The following TNIK variants were observed in gnomAD, a reference collection of about 807,000 sequenced individuals.
TNIK encodes TRAF2 and NCK interacting kinase.
TNIK carries 49 observed loss-of-function variants against 191.3 expected under a neutral mutation model. The observed-to-expected ratio is 0.26, with a 90% CI of 0.20 to 0.32. The LOEUF is 0.32. Among genes scored for constraint, TNIK ranks in the 10% least tolerant of loss-of-function variants. TNIK has a pLI of 1.00. For missense variants in TNIK, 1,155 were observed against 1,702.3 expected (o/e 0.68, Z 5.66); for synonymous variants, 594 against 600.9 (o/e 0.99, Z 0.17).
intron 15 of TNIK, 52 bp from the exon 16 acceptor site, chr3:171,128,930 A>G: frequency 6.8e-7 from 1 of 1,472,316 alleles, no homozygotes; most frequent in Non-Finnish European, 9.0e-7. Flanking sequence ...GTATAGAAGT[A>G]GATCACCTTC....
intron 1 of TNIK, among the ~76,000 whole-genome samples, chr3:171,418,144 T>G (rs987014851): frequency 6.6e-6 from 1 of 152,176 alleles, no homozygotes; most frequent in Non-Finnish European, 1.5e-5. Context: ...GTTCTAAGAT[T>G]CTATAATTCC....
At chr3:171,175,216 C>T in intron 9 of TNIK, 36 bp downstream of exon 9, 4 of 1,592,034 alleles carry the variant, frequency 2.5e-6, no homozygotes, top group Non-Finnish European at 3.4e-6. Context: ...GAAAACCTCA[C>T]CCTTAGATCT....
intron 1 of TNIK, among the ~76,000 whole-genome samples, chr3:171,408,839 G>T (rs1317961912): frequency 6.6e-6 from 1 of 152,154 alleles, no homozygotes; most frequent in Non-Finnish European, 1.5e-5. Context: ...AAAGGATAAA[G>T]TATGCGAAAG....
intron 1 of TNIK, among the ~76,000 whole-genome samples, chr3:171,398,845 T>G (rs1720560504): frequency 6.6e-6 from 1 of 152,124 alleles, no homozygotes; most frequent in African/African-American, 2.4e-5. Context: ...ATTTTTCCCC[T>G]CCGTACGAAA....
At chr3:171,076,929 G>A (rs1186145919) in intron 28 of TNIK, among the ~76,000 whole-genome samples, 3 of 149,624 alleles carry the variant, frequency 2.0e-5, no homozygotes, top group African/African-American at 7.4e-5. Context: ...TCTTTCTTAT[G>A]CATATGCACA....
At chr3:171,225,168 C>A (rs944643781) in intron 3 of TNIK, among the ~76,000 whole-genome samples, 11 of 152,098 alleles carry the variant, frequency 7.2e-5, no homozygotes, top group Non-Finnish European at 1.5e-4. Flanking sequence ...TGGTAAGAAG[C>A]TTTTACAGCA....
chr3:171,282,019 GATA>G (rs1376769838), intron 2 of TNIK, among the ~76,000 whole-genome samples: 2 of 152,162 alleles, frequency 1.3e-5, no homozygotes, highest in Non-Finnish European at 2.9e-5. Context: ...TGGTAACTGT[GATA>G]ATGTGAACTG....
In TNIK at chr3:171,460,140, C is replaced by T; in HGVS notation, c.-77G>A. ...TTGGAAATTCCACCTTGGTCTATTT[C>T]ACTCGCGTCCTCATGCGGGTGTCGC... On this transcript the variant is annotated 5_prime_UTR_variant, in exon 1 of 33. Coordinates refer to ENST00000436636, the MANE Select transcript of TNIK (RefSeq NM_015028.4). The surrounding 1 kb of genome is among the most constrained non-coding windows in gnomAD (Gnocchi z 6.8). 1 of 1,534,720 alleles carries T rather than the reference C, an allele frequency of 6.5e-7. No individual in the cohort carries two copies. Among genetic ancestry groups the T allele is most frequent in the South Asian group, 1.2e-5 (1 of 83,826 alleles).
intron 2 of TNIK, among the ~76,000 whole-genome samples, chr3:171,333,046 A>T (rs560600688): frequency 5.1e-4 from 77 of 152,104 alleles, no homozygotes; most frequent in Non-Finnish European, 8.7e-4. Flanking sequence ...AAGCACAGTG[A>T]TGTTCTTTGA....
intron 2 of TNIK, among the ~76,000 whole-genome samples, chr3:171,272,077 T>C (rs35724670): frequency 0.03 from 4,579 of 152,186 alleles, 81 homozygotes; most frequent in African/African-American, 0.043. Context: ...CACCCGGAGA[T>C]GGTAAAGGCA....
chr3:171,344,547 C>T (rs183925955), intron 2 of TNIK, among the ~76,000 whole-genome samples: 1 of 152,148 alleles, frequency 6.6e-6, no homozygotes, highest in Admixed American at 6.5e-5. Context: ...TACTGATGAC[C>T]TTATTTCTGC....
chr3:171,181,895 T>A (rs1241406237), intron 7 of TNIK, among the ~76,000 whole-genome samples: 1 of 152,222 alleles, frequency 6.6e-6, no homozygotes, highest in African/African-American at 2.4e-5. Context: ...TTGAAGAACA[T>A]ACTTTGACAG....
At chr3:171,423,618 C>T (rs1480356355) in intron 1 of TNIK, among the ~76,000 whole-genome samples, 1 of 152,202 alleles carries the variant, frequency 6.6e-6, no homozygotes, top group Non-Finnish European at 1.5e-5. Context: ...CAGCATGGTA[C>T]TGGTACCGAA....
intron 3 of TNIK, among the ~76,000 whole-genome samples, chr3:171,220,996 T>C (rs967554577): frequency 1.3e-5 from 2 of 151,870 alleles, no homozygotes; most frequent in Admixed American, 6.6e-5. Flanking sequence ...ACCAAAAGGG[T>C]CTAATCTGTA....
At chr3:171,073,665 G>T (rs1423058159) in intron 28 of TNIK, among the ~76,000 whole-genome samples, 2 of 151,874 alleles carry the variant, frequency 1.3e-5, no homozygotes. Flanking sequence ...AATTCAACAA[G>T]AAAAAATCCT....
At chr3:171,347,063 T>A in intron 2 of TNIK, 1 of 1,398,026 alleles carries the variant, frequency 7.2e-7, no homozygotes. Context: ...GCTAGGACAG[T>A]GGTGGCAGAG....
At chr3:171,235,774 G>GC (rs1453630442) in intron 2 of TNIK, among the ~76,000 whole-genome samples, 1 of 151,592 alleles carries the variant, frequency 6.6e-6, no homozygotes, top group African/African-American at 2.4e-5. Flanking sequence ...TTGGTGGGGG[G>GC]GGGGTTTATA....
In TNIK at chr3:171,139,565, G is replaced by A; in HGVS notation, c.1333-9C>T. On this transcript the variant is annotated splice_polypyrimidine_tract_variant and intron_variant, in intron 13 of 32. Transcript: ENST00000436636. Reference sequence around the variant, plus strand: ...TGTCGCCTGATGTATTCCTGGAGAGGTAGGCAGCAGAGAATTCAGAGGAAC... The same window carrying A: ...TGTCGCCTGATGTATTCCTGGAGAGATAGGCAGCAGAGAATTCAGAGGAAC... 3 of 1,613,346 alleles carry A rather than the reference G, an allele frequency of 1.9e-6. No homozygotes were observed. Among genetic ancestry groups the A allele is most frequent in the Admixed American group, 1.7e-5 (1 of 59,980 alleles).
At chr3:171,072,206 T>C (rs2108325979) in intron 28 of TNIK, among the ~76,000 whole-genome samples, 1 of 152,290 alleles carries the variant, frequency 6.6e-6, no homozygotes, top group South Asian at 2.1e-4. Context: ...CCACAGTTGG[T>C]ACACATGGCA....
Sources: allele counts gnomAD v4.1 joint callset (sites outside exome capture counted in the v4.1 genomes callset), GRCh38; gene constraint gnomAD v4.1.1; non-coding constraint Gnocchi (gnomAD v3.1); transcripts MANE v1.5; gene names NCBI Gene and HGNC (gene_info 2026-07-23, HGNC 2026-07-21).